The following HPSE2 variants were observed in gnomAD, a reference collection of about 807,000 sequenced individuals.
HPSE2 encodes inactive heparanase-2.
Under a neutral mutation model 60.5 loss-of-function variants are expected in HPSE2, and 38 were observed. The observed-to-expected ratio is 0.63, with a 90% CI of 0.48 to 0.82. The LOEUF is 0.82. HPSE2 is among the 40% of genes least tolerant of loss of function. The pLI, the probability that HPSE2 is intolerant of heterozygous loss-of-function variation, is 0.00. For missense variants in HPSE2, 713 were observed against 740.4 expected (o/e 0.96, Z 0.43); for synonymous variants, 295 against 293.2 (o/e 1.01, Z -0.06).
rs1940106995 is a variant in HPSE2 at position 98,457,678 on chromosome 10, T to G, written c.*1896A>C. 1 of 152,422 alleles carries G rather than the reference T, an allele frequency of 6.6e-6. No individual in the cohort carries two copies. The allele number at this position is 152,422 out of a possible 1,614,324, so 9.4% of individuals were successfully genotyped here. On this transcript the variant is annotated 3_prime_UTR_variant, in exon 12 of 12. Coordinates refer to ENST00000370552, the MANE Select transcript of HPSE2 (RefSeq NM_021828.5). ...CCTCACTTTGGCCTGTCAATCTGTTTCTTCTTTCTCTTATTTCCTACCCCC... is the reference window on the plus strand; with the variant it reads ...CCTCACTTTGGCCTGTCAATCTGTTGCTTCTTTCTCTTATTTCCTACCCCC...
chr10:99,101,043 T>C (rs571363781), intron 3 of HPSE2, among the ~76,000 whole-genome samples: 8 of 152,214 alleles, frequency 5.3e-5, no homozygotes, highest in Non-Finnish European at 1.0e-4. Flanking sequence ...CATGCCAAAT[T>C]GTAAAGACCA....
At chr10:98,474,569 T>C (rs754004163) in intron 11 of HPSE2, among the ~76,000 whole-genome samples, 1 of 152,166 alleles carries the variant, frequency 6.6e-6, no homozygotes, top group Non-Finnish European at 1.5e-5. Flanking sequence ...TTCTTTGATA[T>C]AGGTTTTAAT....
chr10:98,525,610 G>A (rs541787076), intron 9 of HPSE2, among the ~76,000 whole-genome samples: 13 of 152,332 alleles, frequency 8.5e-5, no homozygotes, highest in Admixed American at 8.5e-4. Context: ...TGAAAATTGA[G>A]TTTGATGGGT....
intron 9 of HPSE2, among the ~76,000 whole-genome samples, chr10:98,607,720 A>G (rs1157406372): frequency 6.6e-6 from 1 of 152,220 alleles, no homozygotes; most frequent in Non-Finnish European, 1.5e-5. Flanking sequence ...ACTTTTACCA[A>G]AAAATCTACT....
At position 98,484,483 on chromosome 10, in the gene HPSE2, C is replaced by T. The variant is rs373432591; in HGVS notation, c.1467-1701G>A. 2.8e-4 allele frequency among the ~76,000 whole-genome samples: 42 copies of T among 152,320 alleles called. No individual in the cohort carries two copies. The East Asian group carries it at 6.4e-3, about 23-fold the overall frequency. On this transcript the variant is annotated intron_variant, in intron 10 of 11. Coordinates refer to ENST00000370552, the MANE Select transcript of HPSE2 (RefSeq NM_021828.5). ...GAACTCCTGACCTCAAGTGATCACC[C>T]GCCTTGGCCTCCCAAAGGGCTGGGA...
Position 99,115,279 on chromosome 10 carries a change from A to T in HPSE2, c.610+28959T>A, listed in dbSNP as rs552469751. 2.7e-5 allele frequency among the ~76,000 whole-genome samples: 4 copies of T among 149,840 alleles called. No homozygotes were observed. In the East Asian group the frequency reaches 8.0e-4, roughly 30 times the overall value. ...CCCCATTCTCCTGCCTCAGCCTCCC[A>T]AGTAGCTGGGACTGCAGGCGCCCGC... On this transcript the variant is annotated intron_variant, in intron 3 of 11. Transcript: ENST00000370552.
chr10:98,734,959 T>G lies in HPSE2; in HGVS notation c.784+8924A>C, dbSNP rs866000361. On this transcript the variant is annotated intron_variant, in intron 4 of 11. Coordinates refer to ENST00000370552, the MANE Select transcript of HPSE2 (RefSeq NM_021828.5). ...TTCCCATTATTATCTTGCCTTGGTC[T>G]GATACAGTTGTTACAAATGATAAAC... Among the ~76,000 whole-genome samples the G allele has an allele frequency of 4.3e-4, 38 of 88,744 alleles. 1 individual carries two copies. The highest frequency in any genetic ancestry group is 2.4e-4 in the Admixed American group (2 of 8,224). 58.2% of individuals were successfully genotyped at this position (88,744 alleles called of 152,430 possible). A position where few individuals can be genotyped will look rare whatever the true frequency, so the allele number is the denominator to read the frequency against.
chr10:98,697,007 A>G (rs1948240881), intron 5 of HPSE2, among the ~76,000 whole-genome samples: 1 of 152,182 alleles, frequency 6.6e-6, no homozygotes, highest in Non-Finnish European at 1.5e-5. Context: ...AGCAGCCTCA[A>G]AGATTGATAG....
At chr10:98,788,589 T>C (rs1211723627) in intron 3 of HPSE2, among the ~76,000 whole-genome samples, 2 of 152,118 alleles carry the variant, frequency 1.3e-5, no homozygotes, top group African/African-American at 4.8e-5. Context: ...GTGCTAGCAA[T>C]TAGCGAGATT....
intron 9 of HPSE2, among the ~76,000 whole-genome samples, chr10:98,492,250 C>A (rs926205596): frequency 6.6e-6 from 1 of 152,128 alleles, no homozygotes; most frequent in African/African-American, 2.4e-5. Context: ...CGCCTATAAT[C>A]CCTGCACTTT....
At chr10:99,129,948 T>G (rs1022095973) in intron 3 of HPSE2, among the ~76,000 whole-genome samples, 1 of 151,940 alleles carries the variant, frequency 6.6e-6, no homozygotes, top group Non-Finnish European at 1.5e-5. Flanking sequence ...ATGGGAGATA[T>G]TACAGCCAAT....
intron 2 of HPSE2, among the ~76,000 whole-genome samples, chr10:99,169,296 G>A (rs1199479386): frequency 6.7e-6 from 1 of 150,260 alleles, no homozygotes; most frequent in South Asian, 2.1e-4. Context: ...ACGAAGTCAG[G>A]AGATCGAGAC....
chr10:99,105,572 G>C (rs371317785), intron 3 of HPSE2, among the ~76,000 whole-genome samples: 1 of 150,316 alleles, frequency 6.7e-6, no homozygotes, highest in East Asian at 2.0e-4. Context: ...TCCAGCTTGT[G>C]ACTTGTCTTT....
chr10:99,056,993 G>A (rs529766876), intron 3 of HPSE2, among the ~76,000 whole-genome samples: 20 of 152,238 alleles, frequency 1.3e-4, no homozygotes, highest in Admixed American at 2.0e-4. Context: ...AAAAGAGTAC[G>A]TATGAAGTAT....
At chr10:98,924,004 A>T (rs1206560138) in intron 3 of HPSE2, among the ~76,000 whole-genome samples, 1 of 152,094 alleles carries the variant, frequency 6.6e-6, no homozygotes, top group Admixed American at 6.5e-5. Flanking sequence ...TTATGTATTT[A>T]TTGTGGTCTT....
At chr10:98,586,886 TG>T (rs1944955454) in intron 9 of HPSE2, among the ~76,000 whole-genome samples, 1 of 152,204 alleles carries the variant, frequency 6.6e-6, no homozygotes, top group Admixed American at 6.5e-5. Flanking sequence ...TGGTGGGCTT[TG>T]GGGCCAGATT....
intron 2 of HPSE2, among the ~76,000 whole-genome samples, chr10:99,220,407 A>G (rs1417358372): frequency 2.0e-5 from 3 of 152,202 alleles, no homozygotes; most frequent in Non-Finnish European, 4.4e-5. Context: ...TAACAATGTG[A>G]TTCTATCTAT....
At chr10:99,013,233 G>C (rs1957058486) in intron 3 of HPSE2, 1 of 656,954 alleles carries the variant, frequency 1.5e-6, no homozygotes, top group East Asian at 3.2e-5. Context: ...GGAGATTTCT[G>C]CTACAGTTAT....
the HPSE2 span, among the ~76,000 whole-genome samples, chr10:99,299,455 T>C: frequency 1.3e-5 from 2 of 152,238 alleles, no homozygotes; most frequent in Non-Finnish European, 2.9e-5. Context: ...GGAAAGTTTA[T>C]AGAGGAGTTT....
Sources: gnomAD v4.1 joint callset for allele counts (sites outside exome capture counted in the v4.1 genomes callset) on GRCh38, gnomAD v4.1.1 for gene constraint, MANE v1.5 for transcripts, NCBI Gene and HGNC (gene_info 2026-07-23, HGNC 2026-07-21) for gene names.